SP4: variants seen among roughly 807,000 people sequenced by gnomAD.
SP4 encodes the protein Sp4 transcription factor, also known as transcription factor Sp4.
A neutral mutation model predicts 72.8 loss-of-function variants in SP4; 19 were observed. That is an observed-to-expected ratio of 0.26 (90% CI 0.18 to 0.38). The LOEUF is 0.38. Ranked by LOEUF, SP4 falls within the 10% of genes least tolerant of loss-of-function variation. The pLI is 1.00. For missense variants in SP4, 1,008 were observed against 926.3 expected, an observed-to-expected ratio of 1.09 and a Z score of -1.14; for synonymous variants, 395 against 333.1, an observed-to-expected ratio of 1.19 and a Z score of -2.02.
intron 3 of SP4, among the ~76,000 whole-genome samples, chr7:21,472,426 A>AG (rs1055061525): frequency 6.6e-6 from 1 of 152,040 alleles, no homozygotes; most frequent in African/African-American, 2.4e-5. Context: ...ATGAGTAGCC[A>AG]GGACTACAGG....
intron 3 of SP4, among the ~76,000 whole-genome samples, chr7:21,436,376 A>G (rs1342542406): frequency 6.6e-6 from 1 of 152,232 alleles, no homozygotes; most frequent in Non-Finnish European, 1.5e-5. Flanking sequence ...GGTGCTACGC[A>G]TAGATCTTGT....
At chr7:21,436,023 C>G (rs2128391863) in intron 3 of SP4, among the ~76,000 whole-genome samples, 1 of 152,240 alleles carries the variant, frequency 6.6e-6, no homozygotes, top group Middle Eastern at 3.4e-3. Flanking sequence ...CTCAGCTCCC[C>G]AAGTAGCAGG....
At chr7:21,489,312 A>C (rs185352280) in intron 5 of SP4, among the ~76,000 whole-genome samples, 1 of 152,216 alleles carries the variant, frequency 6.6e-6, no homozygotes. Context: ...ATTTCGTTGA[A>C]GTTTTCTCAC....
chr7:21,464,168 A>C (rs1372534497), intron 3 of SP4, among the ~76,000 whole-genome samples: 1 of 126,430 alleles, frequency 7.9e-6, no homozygotes, highest in Non-Finnish European at 1.6e-5. Flanking sequence ...TCTGTCACCC[A>C]GGCTGGAGTG....
At chr7:21,479,643 C>A (rs1167526823) in intron 4 of SP4, among the ~76,000 whole-genome samples, 1 of 152,150 alleles carries the variant, frequency 6.6e-6, no homozygotes, top group Non-Finnish European at 1.5e-5. Flanking sequence ...ATTTTAGAAT[C>A]AGTTTGTCAG....
In SP4 at chr7:21,428,237, T is replaced by A; in HGVS notation, c.-15T>A. The stretch of plus-strand genomic sequence containing the variant: ...CCCAGTGTCTCCGTCTGAGGGTTTG[T>A]CCTGTTAATGCGGGATGAGCGGTAC... On this transcript the variant is annotated 5_prime_UTR_variant, in exon 1 of 6. Coordinates refer to ENST00000222584, the MANE Select transcript of SP4 (RefSeq NM_003112.5). 1 of 1,401,102 alleles carries A rather than the reference T, an allele frequency of 7.1e-7. No homozygotes were observed. The highest frequency in any genetic ancestry group is 9.6e-7 in the Non-Finnish European group (1 of 1,042,582). 86.8% of individuals were successfully genotyped at this position (1,401,102 alleles called of 1,614,324 possible). A position where few individuals can be genotyped will look rare whatever the true frequency, so the allele number is the denominator to read the frequency against.
intron 3 of SP4, among the ~76,000 whole-genome samples, chr7:21,457,756 T>C (rs1783812637): frequency 6.6e-6 from 1 of 151,266 alleles, no homozygotes; most frequent in African/African-American, 2.4e-5. Context: ...CCCACTGTTA[T>C]TTTTTTTTCA....
At chr7:21,509,918 G>T (rs549665270) in intron 5 of SP4, among the ~76,000 whole-genome samples, 95 of 152,296 alleles carry the variant, frequency 6.2e-4, no homozygotes, top group African/African-American at 2.2e-3. Context: ...TGGCTGGGGA[G>T]GCCTCACAAT....
At chr7:21,453,063 C>T (rs1783650174) in intron 3 of SP4, among the ~76,000 whole-genome samples, 2 of 152,144 alleles carry the variant, frequency 1.3e-5, no homozygotes, top group Non-Finnish European at 2.9e-5. Context: ...CAGGTGTGAG[C>T]CACCGTGCCC....
intron 5 of SP4, among the ~76,000 whole-genome samples, chr7:21,510,645 T>G (rs1238009142): frequency 2.0e-5 from 3 of 152,228 alleles, no homozygotes; most frequent in South Asian, 4.1e-4. Flanking sequence ...GTTAGCAGTT[T>G]TGAAGAAGAG....
intron 5 of SP4, among the ~76,000 whole-genome samples, chr7:21,500,546 A>G (rs1390860934): frequency 6.6e-6 from 1 of 152,084 alleles, no homozygotes; most frequent in Non-Finnish European, 1.5e-5. Flanking sequence ...CCTGCTTCCA[A>G]AGTCGTTTGA....
At chr7:21,438,838 T>A (rs143817724) in intron 3 of SP4, among the ~76,000 whole-genome samples, 13 of 152,348 alleles carry the variant, frequency 8.5e-5, no homozygotes, top group African/African-American at 3.1e-4. Flanking sequence ...CTTAGTAACC[T>A]TCTCAACTGC....
At chr7:21,474,104 TGAG>T (rs1784424083) in intron 3 of SP4, among the ~76,000 whole-genome samples, 1 of 152,198 alleles carries the variant, frequency 6.6e-6, no homozygotes, top group Admixed American at 6.5e-5. Context: ...TATGGAGGCT[TGAG>T]GAGTGTGTCA....
chr7:21,507,602 G>A (rs973219232), intron 5 of SP4, among the ~76,000 whole-genome samples: 1 of 152,166 alleles, frequency 6.6e-6, no homozygotes, highest in Non-Finnish European at 1.5e-5. Context: ...CCTGTCTCTT[G>A]TGAGGTTGGG....
intron 3 of SP4, 126 bp downstream of exon 3, chr7:21,430,969 A>C: frequency 3.0e-6 from 2 of 660,524 alleles, no homozygotes; most frequent in Non-Finnish European, 5.2e-6. Flanking sequence ...GGAACCAGAA[A>C]TAGCAATATT....
chr7:21,466,427 A>G (rs1346825126), intron 3 of SP4, among the ~76,000 whole-genome samples: 1 of 152,194 alleles, frequency 6.6e-6, no homozygotes, highest in African/African-American at 2.4e-5. Flanking sequence ...GACGTGTGCT[A>G]TATACACTAT....
At position 21,513,400 on chromosome 7, in the gene SP4, T is replaced by C. The variant is rs1052499389; in HGVS notation, c.*2131T>C. 3 of 152,646 alleles carry C rather than the reference T, an allele frequency of 2.0e-5. No individual in the cohort carries two copies. Among genetic ancestry groups the C allele is most frequent in the African/African-American group, 7.2e-5 (3 of 41,464 alleles). The allele number at this position is 152,646 out of a possible 1,614,324, so 9.5% of individuals were successfully genotyped here. A position where few individuals can be genotyped will look rare whatever the true frequency, so the allele number is the denominator to read the frequency against. On this transcript the variant is annotated 3_prime_UTR_variant, in exon 6 of 6. Coordinates refer to ENST00000222584, the MANE Select transcript of SP4 (RefSeq NM_003112.5). ...TTAAGTTGGATTTTGTAAATTGTTT[T>C]GTATATTTTATTTAATGTACTCTTA...
At chr7:21,507,618 A>G (rs920326176) in intron 5 of SP4, among the ~76,000 whole-genome samples, 2 of 152,154 alleles carry the variant, frequency 1.3e-5, no homozygotes, top group Non-Finnish European at 2.9e-5. Context: ...TTGGGGTTTT[A>G]TTATTCACAT....
chr7:21,451,533 T>G (rs892590978), intron 3 of SP4, among the ~76,000 whole-genome samples: 10 of 152,048 alleles, frequency 6.6e-5, no homozygotes, highest in African/African-American at 7.2e-5. Flanking sequence ...TGATGGTGGT[T>G]GTTCTGTAGG....
Sources: allele counts gnomAD v4.1 joint callset (sites outside exome capture counted in the v4.1 genomes callset), GRCh38; gene constraint gnomAD v4.1.1; transcripts MANE v1.5; gene names NCBI Gene and HGNC (gene_info 2026-07-23, HGNC 2026-07-21).